GNAQ: variants seen among roughly 807,000 people sequenced by gnomAD.
GNAQ encodes G protein subunit alpha q.
In GNAQ, 8 loss-of-function variants were observed where a neutral mutation model predicts 43.9. The ratio of observed to expected loss-of-function variants is 0.18; its 90% CI spans 0.11 to 0.33. The LOEUF is 0.33. Ranked by LOEUF, GNAQ falls within the 10% of genes least tolerant of loss-of-function variation. GNAQ has a pLI of 1.00. For synonymous variants in GNAQ, 155 were observed against 170.7 expected, an observed-to-expected ratio of 0.91 and a Z score of 0.71; for missense variants, 158 against 450.8, an observed-to-expected ratio of 0.35 and a Z score of 5.88.
At chr9:77,760,351 C>T (rs1292432720) in intron 5 of GNAQ, among the ~76,000 whole-genome samples, 4 of 152,104 alleles carry the variant, frequency 2.6e-5, no homozygotes, top group African/African-American at 7.2e-5. Context: ...CGAGTGCAGG[C>T]GCGCGCCGCC....
At chr9:77,922,487 A>C (rs1304777838) in intron 1 of GNAQ, 142 bp from the exon 2 acceptor site, 2 of 620,598 alleles carry the variant, frequency 3.2e-6, no homozygotes, top group East Asian at 5.1e-5. Flanking sequence ...AACACTACCT[A>C]TGGTGAACAT....
intron 1 of GNAQ, among the ~76,000 whole-genome samples, chr9:77,953,821 C>A (rs895603631): frequency 2.0e-5 from 3 of 152,172 alleles, no homozygotes; most frequent in African/African-American, 7.2e-5. Context: ...AACCAAGTAA[C>A]AGTTACAAAG....
At chr9:77,724,918 T>TTAAC (rs1407304945) in intron 6 of GNAQ, among the ~76,000 whole-genome samples, 1 of 151,430 alleles carries the variant, frequency 6.6e-6, no homozygotes, top group African/African-American at 2.5e-5. Context: ...CAATGTACTA[T>TTAAC]TAACTCCAGA....
chr9:77,980,514 T>G (rs1215249596), intron 1 of GNAQ, among the ~76,000 whole-genome samples: 2 of 152,178 alleles, frequency 1.3e-5, no homozygotes, highest in African/African-American at 4.8e-5. Context: ...ATAATTAAAC[T>G]CTCTGGGATA....
chr9:77,773,995 C>T (rs373507338), intron 5 of GNAQ, among the ~76,000 whole-genome samples: 1,898 of 146,320 alleles, frequency 0.013, 42 homozygotes, highest in African/African-American at 0.044. Flanking sequence ...TCTTCTTCTT[C>T]TTTTTTTTTT....
intron 1 of GNAQ, among the ~76,000 whole-genome samples, chr9:77,943,899 T>C (rs1261565920): frequency 6.6e-6 from 1 of 152,050 alleles, no homozygotes; most frequent in African/African-American, 2.4e-5. Flanking sequence ...ACTCCCTACC[T>C]CAGGTGATCC....
intron 1 of GNAQ, among the ~76,000 whole-genome samples, chr9:77,947,190 G>A (rs1342629548): frequency 6.6e-6 from 1 of 152,168 alleles, no homozygotes; most frequent in East Asian, 1.9e-4. Flanking sequence ...GATTACATTT[G>A]GATTATAATT....
rs141746688 is a variant in GNAQ at position 77,995,219 on chromosome 9, AGCCTT to A, written c.136+35876_136+35880del. 1.1e-3 allele frequency among the ~76,000 whole-genome samples: 162 copies of A among 152,356 alleles called. 2 individuals carry two copies. The highest frequency in any genetic ancestry group is 3.7e-3 in the African/African-American group (155 of 41,578). On this transcript the variant is annotated intron_variant, in intron 1 of 6. Transcript: ENST00000286548. ...AGATGAAGAAATTGGGGCAAAGAGA[AGCCTT>A]GCAGCCTCAAAGATGCTACAGCTAT...
chr9:77,734,831 C>A (rs916729060), intron 5 of GNAQ, among the ~76,000 whole-genome samples: 1 of 152,158 alleles, frequency 6.6e-6, no homozygotes, highest in African/African-American at 2.4e-5. Flanking sequence ...GATATACAGA[C>A]ACAGAATGAA....
At chr9:77,906,223 T>C (rs1279917175) in intron 2 of GNAQ, among the ~76,000 whole-genome samples, 3 of 152,182 alleles carry the variant, frequency 2.0e-5, no homozygotes, top group Non-Finnish European at 4.4e-5. Context: ...ATCTCTGGAA[T>C]GAATATAGAG....
At chr9:77,962,363 C>A (rs1587433151) in intron 1 of GNAQ, among the ~76,000 whole-genome samples, 1 of 152,066 alleles carries the variant, frequency 6.6e-6, no homozygotes, top group Admixed American at 6.6e-5. Flanking sequence ...AAGAAAACTA[C>A]ATGAGGCAGT....
chr9:77,754,456 T>C (rs1231476360), intron 5 of GNAQ, among the ~76,000 whole-genome samples: 1 of 152,208 alleles, frequency 6.6e-6, no homozygotes, highest in South Asian at 2.1e-4. Context: ...TCCCACATCA[T>C]AACAGCTGTT....
chr9:77,965,467 T>C (rs1258114766), intron 1 of GNAQ, among the ~76,000 whole-genome samples: 3 of 152,038 alleles, frequency 2.0e-5, no homozygotes, highest in Non-Finnish European at 4.4e-5. Flanking sequence ...AAAGCATACA[T>C]ACAGACTTGT....
In GNAQ at chr9:77,716,269, C is replaced by A. The variant is rs906863421; in HGVS notation, c.*5054G>T. ...CTCAACAATGAAGAATACTATAGTA[C>A]AAAATTATGGCCAAAAATACTGTAT... On this transcript the variant is annotated 3_prime_UTR_variant, in exon 7 of 7. Coordinates refer to ENST00000286548, the MANE Select transcript of GNAQ (RefSeq NM_002072.5). The A allele has an allele frequency of 4.4e-6, 1 of 229,056 alleles. No individual in the cohort carries two copies. The highest frequency in any genetic ancestry group is 8.6e-6 in the Non-Finnish European group (1 of 115,612). The allele number at this position is 229,056 out of a possible 1,614,324, so 14.2% of individuals were successfully genotyped here.
intron 1 of GNAQ, among the ~76,000 whole-genome samples, chr9:78,008,248 T>C (rs1823730526): frequency 6.6e-6 from 1 of 152,192 alleles, no homozygotes; most frequent in South Asian, 2.1e-4. Context: ...ACCTTTTCTG[T>C]TAAAAGTTCC....
At chr9:77,862,180 A>G (rs1827865831) in intron 2 of GNAQ, among the ~76,000 whole-genome samples, 1 of 150,804 alleles carries the variant, frequency 6.6e-6, no homozygotes, top group Non-Finnish European at 1.5e-5. Context: ...TGAATCTACC[A>G]CTCTGGGATC....
At chr9:77,772,889 T>C (rs1826248639) in intron 5 of GNAQ, among the ~76,000 whole-genome samples, 1 of 152,170 alleles carries the variant, frequency 6.6e-6, no homozygotes, top group Non-Finnish European at 1.5e-5. Context: ...ACGCTAATGC[T>C]AAAGATAGCT....
At chr9:77,906,841 T>C (rs1478846648) in intron 2 of GNAQ, among the ~76,000 whole-genome samples, 1 of 152,218 alleles carries the variant, frequency 6.6e-6, no homozygotes, top group Non-Finnish European at 1.5e-5. Context: ...CTAAGAAAAC[T>C]GTCCCAAGAA....
Position 77,787,944 on chromosome 9 carries a change from C to T in GNAQ, c.735+6519G>A, listed in dbSNP as rs1385748117. Among the ~76,000 whole-genome samples, 4 of 152,072 alleles carry T rather than the reference C, an allele frequency of 2.6e-5. No homozygotes were observed. In the East Asian group the frequency reaches 5.8e-4, roughly 22 times the overall value. ...ACTTGGGAGGCTGAGACAGGAGAGT[C>T]GCTCGAACCCGGGAGGCAGAGGCTG... On this transcript the variant is annotated intron_variant, in intron 5 of 6. Coordinates refer to ENST00000286548, the MANE Select transcript of GNAQ (RefSeq NM_002072.5).
Sources: allele counts gnomAD v4.1 joint callset (sites outside exome capture counted in the v4.1 genomes callset), GRCh38; gene constraint gnomAD v4.1.1; transcripts MANE v1.5; gene names NCBI Gene and HGNC (gene_info 2026-07-23, HGNC 2026-07-21).